The following GRM1 variants were observed in gnomAD, a reference collection of about 807,000 sequenced individuals.
GRM1 encodes the protein glutamate metabotropic receptor 1, also known as metabotropic glutamate receptor 1.
In GRM1, 33 loss-of-function variants were observed where a neutral mutation model predicts 90.9. That is an observed-to-expected ratio of 0.36 (90% CI 0.28 to 0.49). The LOEUF is 0.49. GRM1 is among the 20% of genes least tolerant of loss of function. GRM1 has a pLI of 0.99. For synonymous variants in GRM1, 700 were observed against 613.2 expected (o/e 1.14, Z -2.09); for missense variants, 1,190 against 1,534.3 (o/e 0.78, Z 3.75).
intron 7 of GRM1, among the ~76,000 whole-genome samples, chr6:146,401,059 C>T (rs1163129127): frequency 6.6e-6 from 1 of 152,064 alleles, no homozygotes; most frequent in African/African-American, 2.4e-5. Flanking sequence ...AATTCTACAT[C>T]CTTTAAATTT....
At chr6:146,215,055 C>T (rs1392015259) in intron 2 of GRM1, among the ~76,000 whole-genome samples, 1 of 152,136 alleles carries the variant, frequency 6.6e-6, no homozygotes, top group Non-Finnish European at 1.5e-5. Flanking sequence ...ATGATGGTGC[C>T]TCATTTGACT....
At chr6:146,264,107 G>A (rs73577136) in intron 2 of GRM1, among the ~76,000 whole-genome samples, 8,113 of 152,090 alleles carry the variant, frequency 0.053, 710 homozygotes, top group African/African-American at 0.18. Context: ...AAAAATCACC[G>A]TCTTGGAAAG....
At chr6:146,043,718 G>T (rs536112382) in intron 1 of GRM1, among the ~76,000 whole-genome samples, 4 of 146,708 alleles carry the variant, frequency 2.7e-5, no homozygotes, top group East Asian at 2.0e-4. Flanking sequence ...TACTTCAATG[G>T]CATTAATTTA....
At chr6:146,204,402 A>AT (rs1779424780) in intron 2 of GRM1, among the ~76,000 whole-genome samples, 1 of 152,128 alleles carries the variant, frequency 6.6e-6, no homozygotes, top group South Asian at 2.1e-4. Flanking sequence ...TTTTTCTATG[A>AT]TTTTCTTAAT....
At chr6:146,328,627 A>G (rs1784479356) in intron 3 of GRM1, among the ~76,000 whole-genome samples, 1 of 152,226 alleles carries the variant, frequency 6.6e-6, no homozygotes, top group African/African-American at 2.4e-5. Context: ...ACACTATTTT[A>G]CTTATCTAAT....
intron 1 of GRM1, among the ~76,000 whole-genome samples, chr6:146,131,119 G>A (rs1422779510): frequency 2.6e-5 from 4 of 152,114 alleles, no homozygotes; most frequent in African/African-American, 9.7e-5. Flanking sequence ...ATTAAACAAT[G>A]TCTACTTCTC....
At chr6:146,333,892 A>C (rs1019729697) in intron 3 of GRM1, among the ~76,000 whole-genome samples, 4 of 152,210 alleles carry the variant, frequency 2.6e-5, no homozygotes, top group African/African-American at 9.7e-5. Flanking sequence ...ATTCTGGGAC[A>C]GAAAAAGGAA....
At chr6:146,372,876 T>C (rs1473876615) in intron 5 of GRM1, among the ~76,000 whole-genome samples, 1 of 152,148 alleles carries the variant, frequency 6.6e-6, no homozygotes, top group Non-Finnish European at 1.5e-5. Context: ...TGTAGTATAA[T>C]TTGAAGTCAG....
rs144267008 is a variant in GRM1, at chr6:146,135,312, T to C, written c.701-24036T>C. The stretch of plus-strand genomic sequence containing the variant: ...GCGCCTGCTTATCACCATTCTGCAA[T>C]GCTATCTCTCCTATAGATGGATGAC... On this transcript the variant is annotated intron_variant, in intron 1 of 7. Coordinates refer to ENST00000282753, the MANE Select transcript of GRM1 (RefSeq NM_001278064.2). Among the ~76,000 whole-genome samples the C allele has an allele frequency of 3.3e-3, 506 of 152,290 alleles. 3 individuals are homozygous for C. The highest frequency in any genetic ancestry group is 0.012 in the African/African-American group (488 of 41,556).
chr6:146,377,031 C>T (rs1456546563), intron 5 of GRM1, among the ~76,000 whole-genome samples: 14 of 152,092 alleles, frequency 9.2e-5, no homozygotes, highest in Non-Finnish European at 1.6e-4. Flanking sequence ...CCTTTGCCTT[C>T]TACTTGGTTG....
intron 5 of GRM1, among the ~76,000 whole-genome samples, chr6:146,379,934 C>G (rs1279390055): frequency 4.2e-5 from 2 of 47,572 alleles, no homozygotes; most frequent in East Asian, 4.8e-4. Context: ...GAGTCTGTCT[C>G]TCTCTCTCTC....
intron 1 of GRM1, among the ~76,000 whole-genome samples, chr6:146,111,447 G>A (rs899257689): frequency 3.3e-5 from 5 of 152,194 alleles, no homozygotes; most frequent in Non-Finnish European, 7.4e-5. Context: ...AAAACAGATT[G>A]TCAAGAGTTG....
chr6:146,227,498 T>C (rs1780283904), intron 2 of GRM1, among the ~76,000 whole-genome samples: 1 of 152,186 alleles, frequency 6.6e-6, no homozygotes, highest in Admixed American at 6.5e-5. Flanking sequence ...AAAAATAGCA[T>C]TTATTGGACT....
intron 2 of GRM1, among the ~76,000 whole-genome samples, chr6:146,287,410 G>A (rs1174940168): frequency 6.6e-6 from 1 of 152,106 alleles, no homozygotes; most frequent in East Asian, 1.9e-4. Context: ...GGGTCTTAAG[G>A]TACAGATATA....
intron 2 of GRM1, 109 bp from the exon 3 acceptor site, chr6:146,304,501 TA>T: frequency 1.2e-6 from 1 of 830,114 alleles, no homozygotes; most frequent in Non-Finnish European, 2.0e-6. Flanking sequence ...AATGCTGGCT[TA>T]AAATAGTCTG....
At chr6:146,248,383 G>T (rs1366494690) in intron 2 of GRM1, among the ~76,000 whole-genome samples, 1 of 152,226 alleles carries the variant, frequency 6.6e-6, no homozygotes, top group Non-Finnish European at 1.5e-5. Context: ...GAGGGACCTA[G>T]TAGGAGGTGA....
rs75975863 is a variant in GRM1, at chr6:146,424,612, A to C, written c.2661-9260A>C. Among the ~76,000 whole-genome samples, 588 of 152,354 alleles carry C rather than the reference A, an allele frequency of 3.9e-3. 13 individuals carry two copies. The East Asian group carries it at 0.071, about 18-fold the overall frequency. ...GATGATTACAGAGCACTAAACATCAAGTGCAGGGCTCTTCGGAGGTAGAGA... is the reference window on the plus strand; with the variant it reads ...GATGATTACAGAGCACTAAACATCACGTGCAGGGCTCTTCGGAGGTAGAGA... On this transcript the variant is annotated intron_variant, in intron 7 of 7. Coordinates refer to ENST00000282753, the MANE Select transcript of GRM1 (RefSeq NM_001278064.2).
intron 1 of GRM1, among the ~76,000 whole-genome samples, chr6:146,152,826 C>G (rs1396507966): frequency 1.3e-5 from 2 of 152,188 alleles, no homozygotes; most frequent in African/African-American, 2.4e-5. Flanking sequence ...ATATGCAGCT[C>G]TCTACCAGCC....
intron 7 of GRM1, among the ~76,000 whole-genome samples, chr6:146,418,672 G>A (rs115333162): frequency 0.029 from 4,453 of 151,634 alleles, 182 homozygotes; most frequent in African/African-American, 0.088. Flanking sequence ...CCTTCAATTA[G>A]CAAAGTAATA....
Sources: allele counts gnomAD v4.1 joint callset (sites outside exome capture counted in the v4.1 genomes callset), GRCh38; gene constraint gnomAD v4.1.1; transcripts MANE v1.5; gene names NCBI Gene and HGNC (gene_info 2026-07-23, HGNC 2026-07-21).